The following IQCH variants were observed in gnomAD, a reference collection of about 807,000 sequenced individuals.
IQCH encodes the protein IQ motif containing H.
Under a neutral mutation model 117.0 loss-of-function variants are expected in IQCH, and 98 were observed. The observed-to-expected ratio is 0.84, with a 90% confidence interval of 0.71 to 0.99. The LOEUF (loss-of-function observed/expected upper bound fraction) is 0.99, where lower values mean the gene tolerates loss of function less well. Among genes scored for constraint, IQCH ranks in the 50% least tolerant of loss-of-function variants. The pLI is 0.00. For missense variants in IQCH, 1,102 were observed against 1,243.8 expected (o/e 0.89, Z 1.72); for synonymous variants, 412 against 448.2 (o/e 0.92, Z 1.02).
chr15:67,273,753 A>G (rs1751869201), intron 3 of IQCH, among the ~76,000 whole-genome samples: 1 of 152,170 alleles, frequency 6.6e-6, no homozygotes, highest in African/African-American at 2.4e-5. Context: ...ACTTAATTTT[A>G]CCAGTGAGTT....
Position 67,490,884 on chromosome 15 carries a change from T to C in IQCH, c.2861+820T>C, listed in dbSNP as rs925402645. On this transcript the variant is annotated intron_variant, in intron 19 of 20. Coordinates refer to ENST00000335894, the MANE Select transcript of IQCH (RefSeq NM_001031715.3). The surrounding 1 kb of genome is among the most constrained non-coding windows in gnomAD (Gnocchi z 4.9). The stretch of plus-strand genomic sequence containing the variant: ...TCCGCACTTCTCCCAGATTTCCCTC[T>C]GGGATATTTTGGAGCCTAGCAAAGC... Among the ~76,000 whole-genome samples the C allele has an allele frequency of 9.8e-5, 15 of 152,350 alleles. No homozygotes were observed. Among genetic ancestry groups the C allele is most frequent in the South Asian group, 6.2e-4 (3 of 4,828 alleles).
chr15:67,417,020 G>C lies in IQCH; in HGVS notation c.2187G>C (p.Trp729Cys), dbSNP rs1209637795. The C allele has an allele frequency of 6.2e-7, 1 of 1,609,892 alleles. No homozygotes were observed. The highest frequency in any genetic ancestry group is 8.5e-7 in the Non-Finnish European group (1 of 1,178,118). Residue 729 changes from tryptophan to cysteine, a missense_variant, in exon 15 of 21, where the codon TGG becomes TGC. By Grantham distance (215) the Trp-to-Cys change is radical. Transcript: ENST00000335894. The surrounding 1 kb of genome is among the most constrained non-coding windows in gnomAD (Gnocchi z 4.3). ...QPVNEKRFPTWRKFLQTFLSQ... is the reference protein window; with the variant it reads ...QPVNEKRFPTCRKFLQTFLSQ... Reference sequence around the variant, plus strand: ...TCAATGAGAAACGGTTCCCGACGTGGAGGAAATTCCTCCAAACATTTCTCA... The same window carrying C: ...TCAATGAGAAACGGTTCCCGACGTGCAGGAAATTCCTCCAAACATTTCTCA...
chr15:67,412,888 T>G (rs2081484475), intron 14 of IQCH, among the ~76,000 whole-genome samples: 1 of 152,240 alleles, frequency 6.6e-6, no homozygotes, highest in Admixed American at 6.5e-5. Context: ...TACACAAGCC[T>G]CTTCATTCTA....
At chr15:67,266,158 T>C (rs1417155718) in intron 3 of IQCH, among the ~76,000 whole-genome samples, 2 of 150,352 alleles carry the variant, frequency 1.3e-5, no homozygotes. Flanking sequence ...ATTTTTATTA[T>C]ATATAGTGAA....
rs184200069 is a variant in IQCH at position 67,390,423 on chromosome 15, G to A, written c.1632+1417G>A. ...ATTAAAGAGGCATAGAATGGGGAAG[G>A]GGCACTAGATTGGGGAGAAAAAAAG... is the stretch of plus-strand genomic sequence containing the variant. On this transcript the variant is annotated intron_variant, in intron 12 of 20. Coordinates refer to ENST00000335894, the MANE Select transcript of IQCH (RefSeq NM_001031715.3). This position sits in a 1 kb window ranked among gnomAD's most constrained non-coding sequence, Gnocchi z 5.0. Among the ~76,000 whole-genome samples, 3 of 152,202 alleles carry A rather than the reference G, an allele frequency of 2.0e-5. No individual in the cohort carries two copies. The highest frequency in any genetic ancestry group is 4.1e-4 in the South Asian group (2 of 4,822).
chr15:67,400,165 T>G lies in IQCH; in HGVS notation c.1957T>G (p.Trp653Gly), dbSNP rs769909589. Residue 653 changes from tryptophan (W) to glycine (G), a missense_variant, in exon 14 of 21, where the codon TGG becomes GGG. Coordinates refer to ENST00000335894, the MANE Select transcript of IQCH (RefSeq NM_001031715.3). ...LITDHLQIQR[W>G]LFKMDSEFRG... is the part of the protein sequence containing the mutation. ...AACTGATCACCTGCAAATACAGCGT[T>G]GGCTCTTTAAAATGGACTCTGAGTT... The G allele has an allele frequency of 6.2e-6, 10 of 1,613,936 alleles. No homozygotes were observed. Among genetic ancestry groups the G allele is most frequent in the Non-Finnish European group, 8.5e-6 (10 of 1,179,900 alleles).
At chr15:67,442,090 A>G (rs539723070) in intron 16 of IQCH, among the ~76,000 whole-genome samples, 1 of 152,342 alleles carries the variant, frequency 6.6e-6, no homozygotes, top group Admixed American at 6.5e-5. Flanking sequence ...GACAGTTCTC[A>G]AAAGAAGATA....
At chr15:67,483,731 G>A (rs1185992400) in intron 18 of IQCH, among the ~76,000 whole-genome samples, 1 of 152,076 alleles carries the variant, frequency 6.6e-6, no homozygotes, top group East Asian at 1.9e-4. Context: ...CTGTCAAACT[G>A]TTTGAGACTT....
chr15:67,277,221 T>G (rs1966159366), intron 3 of IQCH, among the ~76,000 whole-genome samples: 1 of 152,246 alleles, frequency 6.6e-6, no homozygotes, highest in Non-Finnish European at 1.5e-5. Context: ...TGTTGTCCAC[T>G]TTTTTCATTA....
chr15:67,435,254 C>A (rs2082110511), intron 16 of IQCH, among the ~76,000 whole-genome samples: 1 of 151,832 alleles, frequency 6.6e-6, no homozygotes, highest in Non-Finnish European at 1.5e-5. Context: ...ATGCTGAGCA[C>A]CTTTTATATA....
rs372583275 is a variant in IQCH, at chr15:67,490,299, G to A, written c.2861+235G>A. ...CAGCTCACTGCAACCTCCACCTCCC[G>A]GGTTCAAGCGATTCTCCTGCCTCAG... On this transcript the variant is annotated intron_variant, in intron 19 of 20. Transcript: ENST00000335894. This position sits in a 1 kb window ranked among gnomAD's most constrained non-coding sequence, Gnocchi z 4.9. Among the ~76,000 whole-genome samples the A allele has an allele frequency of 1.4e-3, 209 of 152,132 alleles. 2 individuals carry two copies. The highest frequency in any genetic ancestry group is 3.8e-3 in the African/African-American group (159 of 41,516).
rs1242097019 is a variant in IQCH, at chr15:67,481,255, G to A, written c.2799+5437G>A. Among the ~76,000 whole-genome samples the A allele has an allele frequency of 1.3e-5, 2 of 152,172 alleles. No homozygotes were observed. The highest frequency in any genetic ancestry group is 1.9e-4 in the East Asian group (1 of 5,200). ...GACTGGGTAATTTATAAAAGAAAGAGGTTTAATTGACTCCCAGTTCTGCAT... is the reference window on the plus strand; with the variant it reads ...GACTGGGTAATTTATAAAAGAAAGAAGTTTAATTGACTCCCAGTTCTGCAT... On this transcript the variant is annotated intron_variant, in intron 18 of 20. Coordinates refer to ENST00000335894, the MANE Select transcript of IQCH (RefSeq NM_001031715.3). This position sits in a 1 kb window ranked among gnomAD's most constrained non-coding sequence, Gnocchi z 4.1.
At chr15:67,450,967 G>A (rs150428881) in intron 16 of IQCH, among the ~76,000 whole-genome samples, 20,877 of 151,966 alleles carry the variant, frequency 0.14, 1,564 homozygotes, top group African/African-American at 0.2. Flanking sequence ...TGTATGTGTC[G>A]AGGAATTTGT....
At chr15:67,499,119 A>G (rs917155627) in intron 20 of IQCH, among the ~76,000 whole-genome samples, 11 of 152,010 alleles carry the variant, frequency 7.2e-5, no homozygotes, top group African/African-American at 2.7e-4. Flanking sequence ...AAACAGAGTG[A>G]GACCTCATCT....
intron 3 of IQCH, among the ~76,000 whole-genome samples, chr15:67,275,138 A>G (rs566013400): frequency 1.2e-4 from 18 of 152,296 alleles, no homozygotes; most frequent in African/African-American, 4.3e-4. Flanking sequence ...GGCTGTCCTC[A>G]GGGATATTTG....
Position 67,386,130 on chromosome 15 carries a change from T to G in IQCH, c.1456+1111T>G, listed in dbSNP as rs899855831. 6.6e-6 allele frequency among the ~76,000 whole-genome samples: 1 copy of G among 152,176 alleles called. No individual in the cohort carries two copies. The highest frequency in any genetic ancestry group is 1.9e-4 in the East Asian group (1 of 5,194). On this transcript the variant is annotated intron_variant, in intron 11 of 20. Transcript: ENST00000335894. This position sits in a 1 kb window ranked among gnomAD's most constrained non-coding sequence, Gnocchi z 5.0. ...AGATTGATTTGTTAGTGCTAAGCTA[T>G]TTCAACTAAAAACCTGACTGGATGG...
intron 4 of IQCH, among the ~76,000 whole-genome samples, chr15:67,319,279 T>C (rs1968000347): frequency 1.3e-5 from 2 of 152,072 alleles, no homozygotes; most frequent in African/African-American, 2.4e-5. Flanking sequence ...CCTCATATAA[T>C]ATTGACAATC....
intron 15 of IQCH, among the ~76,000 whole-genome samples, chr15:67,420,814 A>T (rs951412112): frequency 6.6e-6 from 1 of 152,252 alleles, no homozygotes; most frequent in African/African-American, 2.4e-5. Flanking sequence ...GGCTGACATG[A>T]TGGTCAATGT....
chr15:67,485,332 G>A (rs543005396), intron 18 of IQCH, among the ~76,000 whole-genome samples: 7 of 152,020 alleles, frequency 4.6e-5, no homozygotes, highest in Admixed American at 1.3e-4. Flanking sequence ...AATGACTAGC[G>A]AACTAGAAAA....
Sources: allele counts gnomAD v4.1 joint callset (sites outside exome capture counted in the v4.1 genomes callset), GRCh38; gene constraint gnomAD v4.1.1; non-coding constraint Gnocchi (gnomAD v3.1); transcripts MANE v1.5; gene names NCBI Gene and HGNC (gene_info 2026-07-23, HGNC 2026-07-21).